Variants in MYO1E observed in about 807,000 individuals in gnomAD.
MYO1E encodes myosin IE.
In MYO1E, 68 loss-of-function variants were observed where a neutral mutation model predicts 151.1. The ratio of observed to expected loss-of-function variants is 0.45; its 90% confidence interval spans 0.37 to 0.55. The LOEUF is 0.55. Among genes scored for constraint, MYO1E ranks in the 20% least tolerant of loss-of-function variants. MYO1E has a pLI of 0.00. For missense variants in MYO1E, 1,363 were observed against 1,389.3 expected (o/e 0.98, Z 0.30); for synonymous variants, 601 against 501.7 (o/e 1.20, Z -2.64).
chr15:59,236,773 CA>C (rs370028397), intron 4 of MYO1E, 101 bp from the exon 5 acceptor site: 36 of 1,121,350 alleles, frequency 3.2e-5, no homozygotes, highest in Non-Finnish European at 4.2e-5. Context: ...AACAAAAAAA[CA>C]AAAAAAACAG....
At chr15:59,231,521 C>T (rs1284112352) in intron 6 of MYO1E, among the ~76,000 whole-genome samples, 181 bp downstream of exon 6, 2 of 151,858 alleles carry the variant, frequency 1.3e-5, no homozygotes, top group South Asian at 2.1e-4. Context: ...ATCCCCGGGG[C>T]GCAAAAAAAG....
chr15:59,249,286 G>T (rs941008731), intron 4 of MYO1E, among the ~76,000 whole-genome samples: 30 of 152,220 alleles, frequency 2.0e-4, no homozygotes, highest in African/African-American at 6.5e-4. Context: ...TTAGCTGGGT[G>T]TGGTGGCAGG....
intron 16 of MYO1E, among the ~76,000 whole-genome samples, chr15:59,199,250 C>A (rs2079786347): frequency 6.6e-6 from 1 of 152,110 alleles, no homozygotes. Flanking sequence ...GCTCCTGCCA[C>A]CATGCCCAGC....
intron 26 of MYO1E, among the ~76,000 whole-genome samples, chr15:59,140,503 C>G (rs938560993): frequency 6.6e-6 from 1 of 152,210 alleles, no homozygotes; most frequent in Non-Finnish European, 1.5e-5. Context: ...ATTTCTCCCT[C>G]AAGAAGTTGG....
chr15:59,173,377 G>A lies in MYO1E; in HGVS notation c.2334+369C>T, dbSNP rs769206769. On this transcript the variant is annotated intron_variant, in intron 21 of 27. Transcript: ENST00000288235. The stretch of plus-strand genomic sequence containing the variant: ...AAGCATCTGTCAAATGGAATACTAT[G>A]CAGCCATGTAAAATAACTTATATTG... Among the ~76,000 whole-genome samples, 68 of 152,168 alleles carry A rather than the reference G, an allele frequency of 4.5e-4. 1 individual carries two copies. The highest frequency in any genetic ancestry group is 1.8e-4 in the Non-Finnish European group (12 of 68,026).
chr15:59,347,987 C>T (rs1310593688), intron 1 of MYO1E, among the ~76,000 whole-genome samples: 2 of 152,180 alleles, frequency 1.3e-5, no homozygotes, highest in Non-Finnish European at 2.9e-5. Flanking sequence ...TGTAAAGCAG[C>T]GGCTCTCCTA....
intron 4 of MYO1E, among the ~76,000 whole-genome samples, chr15:59,248,127 CAAA>C (rs138467126): frequency 0.022 from 782 of 35,702 alleles, 2 homozygotes; most frequent in Middle Eastern, 0.083. Context: ...GACTCCGTCT[CAAA>C]AAAAAAAAAA....
At chr15:59,250,707 G>T (rs1331151868) in intron 4 of MYO1E, among the ~76,000 whole-genome samples, 1 of 152,154 alleles carries the variant, frequency 6.6e-6, no homozygotes, top group Non-Finnish European at 1.5e-5. Context: ...TCTGCAGGGT[G>T]GGCAGTCTAC....
chr15:59,279,121 T>C (rs1047617284), intron 1 of MYO1E, among the ~76,000 whole-genome samples: 2 of 152,198 alleles, frequency 1.3e-5, no homozygotes, highest in Non-Finnish European at 2.9e-5. Context: ...TGGTCTCCTT[T>C]CATCCCTGAG....
At chr15:59,360,837 T>C (rs552481453) in intron 1 of MYO1E, among the ~76,000 whole-genome samples, 2 of 152,288 alleles carry the variant, frequency 1.3e-5, no homozygotes, top group South Asian at 4.1e-4. Context: ...AATCTATTCC[T>C]GCCTCCAAGT....
At chr15:59,158,696 A>T (rs1872741) in intron 24 of MYO1E, among the ~76,000 whole-genome samples, 32,383 of 152,208 alleles carry the variant, frequency 0.21, 4,060 homozygotes, top group African/African-American at 0.35. Context: ...TGGAACATTT[A>T]AACATTTGCA....
intron 1 of MYO1E, among the ~76,000 whole-genome samples, chr15:59,324,506 G>C (rs1353891696): frequency 6.6e-6 from 1 of 152,158 alleles, no homozygotes; most frequent in Non-Finnish European, 1.5e-5. Flanking sequence ...GGGGATGCTA[G>C]AGTATCTGGG....
chr15:59,196,943 T>C (rs995558507), intron 16 of MYO1E, among the ~76,000 whole-genome samples: 40 of 150,148 alleles, frequency 2.7e-4, no homozygotes, highest in Non-Finnish European at 4.9e-4. Context: ...TTCTTAATTT[T>C]TTAAACTTCA....
chr15:59,350,132 TCTTA>T lies in MYO1E; in HGVS notation c.3+22362_3+22365del, dbSNP rs2080815896. On this transcript the variant is annotated intron_variant, in intron 1 of 27. Coordinates refer to ENST00000288235, the MANE Select transcript of MYO1E (RefSeq NM_004998.4). This position sits in a 1 kb window ranked among gnomAD's most constrained non-coding sequence, Gnocchi z 5.0. Reference sequence around the variant, plus strand: ...TGAATGAAAAGAGAATGGAAGCTATTCTTACTTCATTTTTTAACAAATGAAACTG... The same window carrying T: ...TGAATGAAAAGAGAATGGAAGCTATTCTTCATTTTTTAACAAATGAAACTG... Among the ~76,000 whole-genome samples the T allele has an allele frequency of 6.6e-6, 1 of 152,236 alleles. No individual in the cohort carries two copies. Among genetic ancestry groups the T allele is most frequent in the Admixed American group, 6.5e-5 (1 of 15,288 alleles).
At chr15:59,366,053 A>G (rs1465987988) in intron 1 of MYO1E, among the ~76,000 whole-genome samples, 1 of 152,126 alleles carries the variant, frequency 6.6e-6, no homozygotes, top group Non-Finnish European at 1.5e-5. Context: ...ATCTAGGCTC[A>G]CTGCAACCTC....
At chr15:59,160,452 G>A (rs547473648) in intron 24 of MYO1E, among the ~76,000 whole-genome samples, 1 of 151,046 alleles carries the variant, frequency 6.6e-6, no homozygotes, top group South Asian at 2.1e-4. Flanking sequence ...CTAGGCTGGG[G>A]TGCAGTGGCA....
At chr15:59,194,600 G>C (rs1203404162) in intron 17 of MYO1E, among the ~76,000 whole-genome samples, 2 of 152,176 alleles carry the variant, frequency 1.3e-5, no homozygotes, top group African/African-American at 4.8e-5. Flanking sequence ...ACAAGAGGTA[G>C]CAATTCTGGT....
chr15:59,335,778 C>G (rs568627722), intron 1 of MYO1E, among the ~76,000 whole-genome samples: 1 of 152,258 alleles, frequency 6.6e-6, no homozygotes, highest in South Asian at 2.1e-4. Flanking sequence ...GGGAGAGACA[C>G]GGACGCATTC....
At chr15:59,304,132 A>G (rs183985021) in intron 1 of MYO1E, among the ~76,000 whole-genome samples, 1,583 of 151,518 alleles carry the variant, frequency 0.01, 26 homozygotes, top group African/African-American at 0.037. Context: ...ACAGGCACAC[A>G]CCGCCACGCC....
Sources: allele counts gnomAD v4.1 joint callset (sites outside exome capture counted in the v4.1 genomes callset), GRCh38; gene constraint gnomAD v4.1.1; non-coding constraint Gnocchi (gnomAD v3.1); transcripts MANE v1.5; gene names NCBI Gene and HGNC (gene_info 2026-07-23, HGNC 2026-07-21).